WSCD1: variants seen among roughly 807,000 people sequenced by gnomAD.
WSCD1 encodes WSC domain sialate O sulfotransferase 1, also known as sialate:O-sulfotransferase 1.
WSCD1 carries 41 observed loss-of-function variants against 60.4 expected under a neutral mutation model. That is an observed-to-expected ratio of 0.68 (90% CI 0.53 to 0.88). The LOEUF (loss-of-function observed/expected upper bound fraction) is 0.88, where lower values mean the gene tolerates loss of function less well. Among genes scored for constraint, WSCD1 ranks in the 40% least tolerant of loss-of-function variants. The pLI, the probability that WSCD1 is intolerant of heterozygous loss-of-function variation, is 0.00. For synonymous variants in WSCD1, 361 were observed against 332.5 expected, an observed-to-expected ratio of 1.09 and a Z score of -0.93; for missense variants, 784 against 796.2, an observed-to-expected ratio of 0.98 and a Z score of 0.18.
intron 7 of WSCD1, among the ~76,000 whole-genome samples, chr17:6,117,364 G>C (rs1464426905): frequency 6.6e-6 from 1 of 152,210 alleles, no homozygotes; most frequent in East Asian, 1.9e-4. Context: ...GCAAGGCTGG[G>C]CCCTGTCATA....
At chr17:6,105,233 T>C (rs1246481013) in intron 5 of WSCD1, among the ~76,000 whole-genome samples, 5 of 152,196 alleles carry the variant, frequency 3.3e-5, no homozygotes, top group African/African-American at 1.2e-4. Context: ...AGGCTCAGGC[T>C]GTAGATGCAG....
intron 7 of WSCD1, among the ~76,000 whole-genome samples, chr17:6,116,906 A>G (rs551428507): frequency 6.4e-4 from 97 of 152,342 alleles, no homozygotes; most frequent in African/African-American, 2.3e-3. Flanking sequence ...AGCATGGGCT[A>G]CATTGGGTGT....
intron 5 of WSCD1, among the ~76,000 whole-genome samples, chr17:6,106,226 C>T (rs1911078587): frequency 6.6e-6 from 1 of 152,160 alleles, no homozygotes; most frequent in Non-Finnish European, 1.5e-5. Context: ...TGATCTGTGT[C>T]ATGGAGGAAA....
chr17:6,085,409 G>A (rs146584701), intron 2 of WSCD1, among the ~76,000 whole-genome samples: 1,954 of 151,714 alleles, frequency 0.013, 15 homozygotes, highest in Middle Eastern at 0.061. Flanking sequence ...CCTTGTATTA[G>A]ACATTTTACA....
chr17:6,081,296 A>C (rs1909255882), intron 2 of WSCD1, among the ~76,000 whole-genome samples: 1 of 152,046 alleles, frequency 6.6e-6, no homozygotes, highest in Non-Finnish European at 1.5e-5. Context: ...CTCAAGGCTG[A>C]GATGTTGTGA....
chr17:6,094,481 G>C (rs1433191609), intron 4 of WSCD1, among the ~76,000 whole-genome samples: 1 of 151,868 alleles, frequency 6.6e-6, no homozygotes, highest in East Asian at 1.9e-4. Context: ...CAGCCTCTCA[G>C]GTCACCTACC....
At chr17:6,094,490 C>G (rs563747653) in intron 4 of WSCD1, among the ~76,000 whole-genome samples, 1 of 151,636 alleles carries the variant, frequency 6.6e-6, no homozygotes, top group South Asian at 2.1e-4. Flanking sequence ...AGGTCACCTA[C>G]CATGGGAGGA....
intron 2 of WSCD1, among the ~76,000 whole-genome samples, chr17:6,085,756 C>G (rs762729149): frequency 6.6e-6 from 1 of 152,224 alleles, no homozygotes; most frequent in Non-Finnish European, 1.5e-5. Flanking sequence ...TGAAATGGAA[C>G]TTCTTTGCTG....
chr17:6,081,952 T>G (rs1909307957), intron 2 of WSCD1: 2 of 152,172 alleles, frequency 1.3e-5, no homozygotes, highest in South Asian at 4.1e-4. Flanking sequence ...GCAGGCTTTG[T>G]ATTTAACGCT....
chr17:6,085,647 T>C (rs1029455555), intron 2 of WSCD1, among the ~76,000 whole-genome samples: 3 of 152,220 alleles, frequency 2.0e-5, no homozygotes, highest in Non-Finnish European at 4.4e-5. Context: ...GGGAAGGTCT[T>C]GAGCCCAAGC....
intron 5 of WSCD1, among the ~76,000 whole-genome samples, chr17:6,107,511 A>G (rs1047831632): frequency 1.4e-4 from 21 of 151,860 alleles, no homozygotes; most frequent in African/African-American, 5.1e-4. Flanking sequence ...AAAAAGGAGA[A>G]GAAAAAAAAA....
chr17:6,086,392 G>A (rs1371182778), intron 2 of WSCD1, among the ~76,000 whole-genome samples: 4 of 151,608 alleles, frequency 2.6e-5, no homozygotes, highest in African/African-American at 9.7e-5. Flanking sequence ...CTGGAGTGCA[G>A]TGGCATGATC....
At position 6,101,775 on chromosome 17, in the gene WSCD1, G is replaced by A. The variant is rs1910813905; in HGVS notation, c.849+6552G>A. The stretch of plus-strand genomic sequence containing the variant: ...ATCCTATCGGCTCCTTTGTTTCAAC[G>A]CAAGGCAAGAGTGAGCAGGGGGCAG... On this transcript the variant is annotated intron_variant, in intron 5 of 8. Transcript: ENST00000317744. The surrounding 1 kb of genome is among the most constrained non-coding windows in gnomAD (Gnocchi z 4.1). Among the ~76,000 whole-genome samples, 1 of 152,140 alleles carries A rather than the reference G, an allele frequency of 6.6e-6. No individual in the cohort carries two copies. The highest frequency in any genetic ancestry group is 1.5e-5 in the Non-Finnish European group (1 of 68,042).
Position 6,120,355 on chromosome 17 carries a change from C to T in WSCD1, c.1422C>T (p.His474=), listed in dbSNP as rs747739179. The T allele has an allele frequency of 1.1e-5, 18 of 1,614,000 alleles. No individual in the cohort carries two copies. The highest frequency in any genetic ancestry group is 2.2e-5 in the East Asian group (1 of 44,896). The change falls in exon 9 of 9, where the codon CAC becomes CAT. Residue 474 remains histidine, a synonymous_variant. Transcript: ENST00000317744. ...GCTACGCCTCGTGGTGGTCCTCGCA[C>T]GTCCTGGACTGGCTCAAGTACGGGA... ...VNSYASWWSS[H]VLDWLKYGKR... is the part of the protein sequence containing the mutation.
intron 2 of WSCD1, among the ~76,000 whole-genome samples, chr17:6,084,489 C>T (rs778666775): frequency 1.3e-5 from 2 of 152,214 alleles, no homozygotes; most frequent in African/African-American, 2.4e-5. Flanking sequence ...CCGGGCAGCC[C>T]GCCATCCTCC....
At position 6,113,918 on chromosome 17, in the gene WSCD1, G is replaced by A. The variant is rs555770672; in HGVS notation, c.1174+2983G>A. Among the ~76,000 whole-genome samples the A allele has an allele frequency of 2.6e-5, 4 of 152,110 alleles. 1 individual carries two copies. The East Asian group carries it at 7.8e-4, about 29-fold the overall frequency. The stretch of plus-strand genomic sequence containing the variant: ...GAATGTAAACTAGTACAGCTCTTAC[G>A]GAAAATAGTATGGAGGCTCCTCAAA... On this transcript the variant is annotated intron_variant, in intron 7 of 8. Transcript: ENST00000317744.
intron 1 of WSCD1, among the ~76,000 whole-genome samples, chr17:6,070,874 G>C (rs954715386): frequency 1.1e-4 from 16 of 151,044 alleles, no homozygotes; most frequent in Non-Finnish European, 1.9e-4. Flanking sequence ...AGGGGTTGTG[G>C]GGGGGCGGGG....
chr17:6,114,633 TATC>T (rs1378693064), intron 7 of WSCD1, among the ~76,000 whole-genome samples: 1 of 152,048 alleles, frequency 6.6e-6, no homozygotes, highest in African/African-American at 2.4e-5. Context: ...GATGTACACT[TATC>T]ATGCATCAGT....
At chr17:6,069,953 C>T (rs543863548), upstream of WSCD1, among the ~76,000 whole-genome samples, 1 of 150,990 alleles carries the variant, frequency 6.6e-6, no homozygotes, top group South Asian at 2.1e-4. Context: ...GTGTCGGTGT[C>T]TCTGGGAAGC....
Sources: allele counts gnomAD v4.1 joint callset (sites outside exome capture counted in the v4.1 genomes callset), GRCh38; gene constraint gnomAD v4.1.1; non-coding constraint Gnocchi (gnomAD v3.1); transcripts MANE v1.5; gene names NCBI Gene and HGNC (gene_info 2026-07-23, HGNC 2026-07-21).